The following FGF14 variants were observed in gnomAD, a reference collection of about 807,000 sequenced individuals.
The protein encoded by FGF14 is fibroblast growth factor 14.
FGF14 carries 5 observed loss-of-function variants against 25.5 expected under a neutral mutation model. The ratio of observed to expected loss-of-function variants is 0.20; its 90% CI spans 0.10 to 0.41. FGF14 has a LOEUF of 0.41. Ranked by LOEUF, FGF14 falls within the 10% of genes least tolerant of loss-of-function variation. FGF14 has a pLI of 1.00. For synonymous variants in FGF14, 138 were observed against 118.3 expected (o/e 1.17, Z -1.08); for missense variants, 222 against 320.1 (o/e 0.69, Z 2.34).
At chr13:102,396,494 T>G (rs1469562168) in intron 1 of FGF14, among the ~76,000 whole-genome samples, 2 of 152,244 alleles carry the variant, frequency 1.3e-5, no homozygotes, top group African/African-American at 2.4e-5. Flanking sequence ...GTTGTTGTCC[T>G]TGTTACCATA....
chr13:101,873,931 G>A (rs2045254073), intron 2 of FGF14, among the ~76,000 whole-genome samples: 1 of 151,760 alleles, frequency 6.6e-6, no homozygotes, highest in South Asian at 2.1e-4. Context: ...AGTGATATGA[G>A]ACACAAAGAG....
intron 1 of FGF14, among the ~76,000 whole-genome samples, chr13:102,160,003 T>C (rs1191395865): frequency 6.6e-6 from 1 of 152,174 alleles, no homozygotes; most frequent in African/African-American, 2.4e-5. Context: ...AAACTTAGTA[T>C]AGGTCCATTT....
At chr13:101,855,899 A>G (rs11619533) in intron 3 of FGF14, among the ~76,000 whole-genome samples, 43,508 of 133,472 alleles carry the variant, frequency 0.33, 6,538 homozygotes, top group East Asian at 0.53. Context: ...TCAAATTCCT[A>G]CAAGTTTTTT....
chr13:101,768,840 G>C (rs2038574978), intron 3 of FGF14, among the ~76,000 whole-genome samples: 1 of 152,128 alleles, frequency 6.6e-6, no homozygotes, highest in Non-Finnish European at 1.5e-5. Flanking sequence ...GTAAATAAAT[G>C]TAAAATGCAA....
intron 1 of FGF14, among the ~76,000 whole-genome samples, chr13:101,955,412 T>C (rs1305749001): frequency 6.6e-6 from 1 of 152,238 alleles, no homozygotes; most frequent in Non-Finnish European, 1.5e-5. Flanking sequence ...AAAAGCTGGT[T>C]TCTTGTGAAA....
intron 1 of FGF14, among the ~76,000 whole-genome samples, chr13:102,315,943 CA>C (rs2056000425): frequency 6.6e-6 from 1 of 152,108 alleles, no homozygotes; most frequent in African/African-American, 2.4e-5. Flanking sequence ...ACCAGCACTG[CA>C]AAAAAGCAGA....
intron 1 of FGF14, among the ~76,000 whole-genome samples, chr13:102,352,051 C>A (rs935221916): frequency 6.6e-6 from 1 of 152,126 alleles, no homozygotes; most frequent in Non-Finnish European, 1.5e-5. Context: ...TGTTCTGCAA[C>A]CTAACTACAA....
intron 1 of FGF14, among the ~76,000 whole-genome samples, chr13:101,886,307 G>C (rs1295314267): frequency 6.6e-6 from 1 of 152,104 alleles, no homozygotes; most frequent in Non-Finnish European, 1.5e-5. Flanking sequence ...CAAAGCCATA[G>C]TAACTAACAC....
At chr13:102,290,150 C>G (rs1405896511) in intron 1 of FGF14, among the ~76,000 whole-genome samples, 1 of 152,038 alleles carries the variant, frequency 6.6e-6, no homozygotes, top group Non-Finnish European at 1.5e-5. Context: ...AGTCTAATCC[C>G]CAAGGTAATG....
intron 3 of FGF14, among the ~76,000 whole-genome samples, chr13:101,749,225 G>A (rs917592889): frequency 1.3e-5 from 2 of 152,004 alleles, no homozygotes; most frequent in Non-Finnish European, 2.9e-5. Flanking sequence ...CTGGAGATCT[G>A]ATGGACAGCC....
At chr13:101,903,933 G>C (rs906613497) in intron 1 of FGF14, among the ~76,000 whole-genome samples, 1 of 152,184 alleles carries the variant, frequency 6.6e-6, no homozygotes, top group African/African-American at 2.4e-5. Context: ...TGAAGTCATG[G>C]ATACCTTAAG....
At chr13:102,281,847 C>G (rs895649495) in intron 1 of FGF14, among the ~76,000 whole-genome samples, 7 of 152,096 alleles carry the variant, frequency 4.6e-5, no homozygotes, top group South Asian at 2.1e-4. Context: ...CTAAATAACT[C>G]ACTATCTATG....
At chr13:101,728,011 C>G (rs181385517) in intron 3 of FGF14, among the ~76,000 whole-genome samples, 1 of 152,046 alleles carries the variant, frequency 6.6e-6, no homozygotes, top group Non-Finnish European at 1.5e-5. Flanking sequence ...AAAAATATTC[C>G]TTAGGGGCTA....
intron 1 of FGF14, among the ~76,000 whole-genome samples, chr13:102,362,727 AC>A (rs1403653432): frequency 1.3e-5 from 2 of 152,154 alleles, no homozygotes; most frequent in Admixed American, 6.5e-5. Context: ...CGGTCCCCAC[AC>A]CACTATTTTA....
chr13:102,133,427 C>G (rs1203824853), intron 1 of FGF14, among the ~76,000 whole-genome samples: 1 of 152,102 alleles, frequency 6.6e-6, no homozygotes, highest in Non-Finnish European at 1.5e-5. Context: ...AATCAGTTCT[C>G]TATAACATGT....
At chr13:102,275,787 C>G (rs903648256) in intron 1 of FGF14, among the ~76,000 whole-genome samples, 6 of 152,108 alleles carry the variant, frequency 3.9e-5, no homozygotes, top group African/African-American at 1.4e-4. Context: ...ACAACTCAGG[C>G]TCCAATTTAA....
At chr13:101,882,284 T>C (rs2045750510) in intron 1 of FGF14, among the ~76,000 whole-genome samples, 1 of 152,142 alleles carries the variant, frequency 6.6e-6, no homozygotes, top group South Asian at 2.1e-4. Flanking sequence ...TAATTTGTTC[T>C]TCAGCTGCCA....
At chr13:101,886,500 C>T (rs1482439244) in intron 1 of FGF14, among the ~76,000 whole-genome samples, 1 of 151,984 alleles carries the variant, frequency 6.6e-6, no homozygotes, top group Admixed American at 6.6e-5. Context: ...ATATGCAAAA[C>T]CATAGATCCC....
At chr13:101,823,578 C>G (rs1441104694) in intron 3 of FGF14, among the ~76,000 whole-genome samples, 1 of 150,518 alleles carries the variant, frequency 6.6e-6, no homozygotes, top group Non-Finnish European at 1.5e-5. Flanking sequence ...GCTGGGATTA[C>G]AGGCATGCAC....
Sources: allele counts gnomAD v4.1 joint callset (sites outside exome capture counted in the v4.1 genomes callset), GRCh38; gene constraint gnomAD v4.1.1; transcripts MANE v1.5; gene names NCBI Gene and HGNC (gene_info 2026-07-23, HGNC 2026-07-21).